Variants in ANKFN1 observed in about 807,000 individuals in gnomAD.
ANKFN1 encodes ankyrin repeat and fibronectin type III domain containing 1.
In ANKFN1, 74 loss-of-function variants were observed where a neutral mutation model predicts 108.7. The observed-to-expected ratio is 0.68, with a 90% CI of 0.56 to 0.83. ANKFN1 has a LOEUF of 0.83. Ranked by LOEUF, ANKFN1 falls within the 40% of genes least tolerant of loss-of-function variation. The probability of loss-of-function intolerance (pLI) is 0.00; values close to 1 mark genes in which losing one functional copy is unlikely to be tolerated. For missense variants in ANKFN1, 1,505 were observed against 1,382.3 expected, an observed-to-expected ratio of 1.09 and a Z score of -1.41; for synonymous variants, 547 against 516.2, an observed-to-expected ratio of 1.06 and a Z score of -0.81.
intron 8 of ANKFN1, among the ~76,000 whole-genome samples, chr17:56,420,683 C>CTTTTTTTTTTTTTTTTTTTT (rs755355387): frequency 4.2e-5 from 5 of 119,602 alleles, no homozygotes; most frequent in South Asian, 2.8e-4. Flanking sequence ...CTGACTCCTT[C>CTTTTTTTTTTTTTTTTTTTT]TTTTTTTTTT....
intron 8 of ANKFN1, among the ~76,000 whole-genome samples, chr17:56,428,462 C>CTTTTTTTTTTT (rs1183827202): frequency 7.5e-6 from 1 of 133,294 alleles, no homozygotes; most frequent in Non-Finnish European, 1.6e-5. Context: ...AGCTTTTTTT[C>CTTTTTTTTTTT]TTTTTTTTTT....
chr17:56,440,470 G>A (rs763639869), intron 9 of ANKFN1, 46 bp downstream of exon 9: 2 of 1,488,394 alleles, frequency 1.3e-6, no homozygotes, highest in African/African-American at 1.4e-5. Context: ...GCTGATATTT[G>A]TGCTGGGATA....
intron 8 of ANKFN1, among the ~76,000 whole-genome samples, chr17:56,399,581 GAGC>G (rs890944766): frequency 6.6e-5 from 10 of 151,586 alleles, no homozygotes; most frequent in African/African-American, 2.4e-4. Context: ...CCCATCACCC[GAGC>G]AGTATACACT....
intron 15 of ANKFN1, among the ~76,000 whole-genome samples, chr17:56,473,874 T>C (rs1265553904): frequency 6.6e-6 from 1 of 152,176 alleles, no homozygotes; most frequent in Non-Finnish European, 1.5e-5. Context: ...TTGGTTTTTA[T>C]ATAATCACAG....
chr17:56,271,358 C>T (rs1403165793), intron 3 of ANKFN1, among the ~76,000 whole-genome samples: 1 of 152,146 alleles, frequency 6.6e-6, no homozygotes, highest in African/African-American at 2.4e-5. Flanking sequence ...GGTCGGGGAC[C>T]ATTCTTCCTT....
intron 4 of ANKFN1, among the ~76,000 whole-genome samples, chr17:56,070,013 G>A (rs1002335887): frequency 1.3e-5 from 2 of 152,176 alleles, no homozygotes; most frequent in Non-Finnish European, 2.9e-5. Flanking sequence ...ACAACTAGAG[G>A]TCACTCTCTT....
chr17:56,498,959 T>G lies in ANKFN1; in HGVS notation c.2505T>G (p.Ser835=). ...LQYARYKQPV[S]GLPITKLIDP... Reference sequence around the variant, plus strand: ...ATGCAAGATACAAACAACCAGTTTCTGGCTTGCCCATCACTAAGCTGATAG... The same window carrying G: ...ATGCAAGATACAAACAACCAGTTTCGGGCTTGCCCATCACTAAGCTGATAG... The change falls in exon 20 of 21, where the codon TCT becomes TCG. Residue 835 remains serine, a synonymous_variant. Transcript: ENST00000682825. 1.3e-6 allele frequency: 2 copies of G among 1,535,814 alleles called. No individual in the cohort carries two copies. The highest frequency in any genetic ancestry group is 1.7e-6 in the Non-Finnish European group (2 of 1,146,646).
intron 3 of ANKFN1, among the ~76,000 whole-genome samples, chr17:56,313,271 C>A (rs73991461): frequency 0.03 from 4,516 of 152,110 alleles, 225 homozygotes; most frequent in African/African-American, 0.1. Flanking sequence ...TGAAAGGGAG[C>A]CAGTCCCATG....
intron 4 of ANKFN1, among the ~76,000 whole-genome samples, chr17:56,077,391 G>A (rs1348603809): frequency 1.3e-5 from 2 of 152,156 alleles, no homozygotes. Context: ...ACCATCACAA[G>A]GAAAATTCAG....
intron 4 of ANKFN1, among the ~76,000 whole-genome samples, chr17:56,099,643 C>A (rs554851610): frequency 6.6e-6 from 1 of 152,114 alleles, no homozygotes; most frequent in Admixed American, 6.5e-5. Flanking sequence ...TGGAGCACAG[C>A]CTTAAAGAAC....
chr17:56,300,979 T>A (rs2044655105), intron 3 of ANKFN1, among the ~76,000 whole-genome samples: 1 of 152,254 alleles, frequency 6.6e-6, no homozygotes, highest in Admixed American at 6.5e-5. Context: ...ACATAGTAAC[T>A]GTTTTGTAGG....
intron 8 of ANKFN1, among the ~76,000 whole-genome samples, chr17:56,424,849 G>A (rs1472132753): frequency 6.6e-6 from 1 of 152,126 alleles, no homozygotes; most frequent in African/African-American, 2.4e-5. Context: ...ATTTAAGGAT[G>A]AAAGCATCCC....
chr17:56,124,675 A>C (rs1468284721), intron 4 of ANKFN1, among the ~76,000 whole-genome samples: 1 of 152,152 alleles, frequency 6.6e-6, no homozygotes, highest in Non-Finnish European at 1.5e-5. Context: ...CTTTTCTTGG[A>C]CTAGCCACTA....
intron 4 of ANKFN1, among the ~76,000 whole-genome samples, chr17:56,137,464 C>T (rs1907665270): frequency 6.6e-6 from 1 of 152,138 alleles, no homozygotes; most frequent in African/African-American, 2.4e-5. Flanking sequence ...TTCCAATCTA[C>T]CCATTTCAAG....
chr17:56,455,644 A>G (rs945011846), intron 11 of ANKFN1, among the ~76,000 whole-genome samples: 1 of 152,236 alleles, frequency 6.6e-6, no homozygotes, highest in Non-Finnish European at 1.5e-5. Context: ...TATGAGAGTT[A>G]AAATCAGTGA....
At chr17:56,479,167 T>C (rs2050611716) in intron 16 of ANKFN1, among the ~76,000 whole-genome samples, 1 of 152,204 alleles carries the variant, frequency 6.6e-6, no homozygotes, top group South Asian at 2.1e-4. Flanking sequence ...CCAACTAATT[T>C]TCCCTTGCCA....
intron 4 of ANKFN1, among the ~76,000 whole-genome samples, chr17:56,064,977 C>T (rs923118867): frequency 4.6e-5 from 7 of 152,168 alleles, no homozygotes; most frequent in East Asian, 1.9e-4. Context: ...CTCCCCTGCC[C>T]GTGGGACTCT....
In ANKFN1 at chr17:56,085,993, A is replaced by G. The variant is rs953563072; in HGVS notation, c.288+39668A>G. On this transcript the variant is annotated intron_variant, in intron 4 of 12. Transcript: ENST00000635860. ...AAGAACCTACAAGGTGGTGGAAAAC[A>G]TATATAATTTAATAAATGTAATATA... 4.0e-5 allele frequency among the ~76,000 whole-genome samples: 6 copies of G among 151,442 alleles called. 1 individual carries two copies. The highest frequency in any genetic ancestry group is 8.9e-5 in the Non-Finnish European group (6 of 67,782).
At chr17:56,201,950 T>C (rs1914102026) in intron 1 of ANKFN1, among the ~76,000 whole-genome samples, 1 of 152,134 alleles carries the variant, frequency 6.6e-6, no homozygotes, top group Admixed American at 6.5e-5. Flanking sequence ...ACTGAGACCA[T>C]GGTGGGAGGA....
Sources: gnomAD v4.1 joint callset for allele counts (sites outside exome capture counted in the v4.1 genomes callset) on GRCh38, gnomAD v4.1.1 for gene constraint, MANE v1.5 for transcripts, NCBI Gene and HGNC (gene_info 2026-07-23, HGNC 2026-07-21) for gene names.